Variants in SULF1 observed in about 807,000 individuals in gnomAD.
SULF1 encodes the protein sulfatase 1.
In SULF1, 46 loss-of-function variants were observed where a neutral mutation model predicts 110.5. That is an observed-to-expected ratio of 0.42 (90% CI 0.33 to 0.53). The LOEUF (loss-of-function observed/expected upper bound fraction) is 0.53. Among genes scored for constraint, SULF1 ranks in the 20% least tolerant of loss-of-function variants. The probability of loss-of-function intolerance (pLI) is 0.12; values close to 1 mark genes in which losing one functional copy is unlikely to be tolerated. For missense variants in SULF1, 941 were observed against 1,094.2 expected (o/e 0.86, Z 1.98); for synonymous variants, 371 against 387.1 (o/e 0.96, Z 0.49).
At chr8:69,486,657 T>C (rs1809724524) in intron 1 of SULF1, among the ~76,000 whole-genome samples, 1 of 152,146 alleles carries the variant, frequency 6.6e-6, no homozygotes, top group Admixed American at 6.6e-5. Context: ...CCGTGCCTAT[T>C]AAGAGTAGAA....
chr8:69,589,145 AG>A lies in SULF1; in HGVS notation c.734+5del, dbSNP rs768278650. The A allele has an allele frequency of 1.2e-6, 2 of 1,611,824 alleles. No individual in the cohort carries two copies. Among genetic ancestry groups the A allele is most frequent in the African/African-American group, 1.3e-5 (1 of 74,980 alleles). On this transcript the variant is annotated splice_donor_5th_base_variant and intron_variant, in intron 8 of 22. Coordinates refer to ENST00000402687, the MANE Select transcript of SULF1 (RefSeq NM_001128205.2). ...ACCCCAATGCTTCCCAACACATGTAAGTAACAAACTCAACTCTGCGACCTGC... is the reference window on the plus strand; with the variant it reads ...ACCCCAATGCTTCCCAACACATGTAATAACAAACTCAACTCTGCGACCTGC...
rs118056333 is a variant in SULF1 at position 69,603,241 on chromosome 8, A to G, written c.1111A>G (p.Ile371Val). The G allele has an allele frequency of 5.6e-3, 8,990 of 1,614,092 alleles. 37 individuals are homozygous for G. Among genetic ancestry groups the G allele is most frequent in the Non-Finnish European group, 6.8e-3 (7,989 of 1,180,008 alleles). The change falls in exon 11 of 23, where the codon ATT becomes GTT. Residue 371 changes from isoleucine (I) to valine (V), a missense_variant. Ile to Val is a conservative substitution (Grantham distance 29). Transcript: ENST00000402687. ...NIDLAPTILDIAGLDTPPDVD... is the reference protein window; with the variant it reads ...NIDLAPTILDVAGLDTPPDVD... ...TGACTTGGCCCCCACGATCCTGGAT[A>G]TTGCTGGGCTCGACACACCTCCTGA...
Position 69,617,418 on chromosome 8 carries a change from T to C in SULF1, c.1378-3617T>C, listed in dbSNP as rs1280150190. Among the ~76,000 whole-genome samples, 5 of 80,964 alleles carry C rather than the reference T, an allele frequency of 6.2e-5. 1 individual carries two copies. The East Asian group carries it at 1.6e-3, about 25-fold the overall frequency. The allele number at this position is 80,964 out of a possible 152,430, so 53.1% of individuals were successfully genotyped here. On this transcript the variant is annotated intron_variant, in intron 13 of 22. Transcript: ENST00000402687. ...ATATATATATATATATATATATATA[T>C]ATATATATATATATATGTTTTTTTT...
chr8:69,641,088 T>G (rs1811438684), intron 22 of SULF1: 1 of 378,108 alleles, frequency 2.6e-6, no homozygotes, highest in Non-Finnish European at 4.7e-6. Context: ...GTTTGCTTGT[T>G]GGATGATGCT....
At chr8:69,545,100 TC>T (rs869125603) in intron 3 of SULF1, among the ~76,000 whole-genome samples, 3 of 148,370 alleles carry the variant, frequency 2.0e-5, no homozygotes, top group African/African-American at 7.5e-5. Flanking sequence ...TTTTTTTTTT[TC>T]ATTTCTATGG....
intron 13 of SULF1, among the ~76,000 whole-genome samples, chr8:69,615,917 T>C (rs968671900): frequency 1.3e-5 from 2 of 152,068 alleles, no homozygotes; most frequent in Non-Finnish European, 2.9e-5. Context: ...GCAGAATTCT[T>C]TGAATGCATT....
intron 3 of SULF1, among the ~76,000 whole-genome samples, chr8:69,554,148 T>C (rs1240813342): frequency 6.6e-6 from 1 of 152,250 alleles, no homozygotes; most frequent in African/African-American, 2.4e-5. Context: ...TGACAAGTGC[T>C]GTTCTTGCAT....
At chr8:69,522,718 T>C (rs1265183552) in intron 3 of SULF1, among the ~76,000 whole-genome samples, 1 of 152,102 alleles carries the variant, frequency 6.6e-6, no homozygotes, top group Non-Finnish European at 1.5e-5. Flanking sequence ...TGGAGGAGTT[T>C]TGGGTGCCTT....
chr8:69,501,233 T>TAAAAGAGAACA (rs1810775525), intron 2 of SULF1, among the ~76,000 whole-genome samples: 2 of 152,350 alleles, frequency 1.3e-5, no homozygotes, highest in East Asian at 3.9e-4. Context: ...ATGTTCTCTT[T>TAAAAGAGAACA]TATATCATAT....
intron 5 of SULF1, among the ~76,000 whole-genome samples, chr8:69,564,772 T>C (rs1815747528): frequency 6.6e-6 from 1 of 152,202 alleles, no homozygotes; most frequent in Non-Finnish European, 1.5e-5. Context: ...CCTGACTGGG[T>C]TTCTTACCTT....
At chr8:69,598,117 A>AC (rs1322751582) in intron 8 of SULF1, among the ~76,000 whole-genome samples, 1 of 151,824 alleles carries the variant, frequency 6.6e-6, no homozygotes, top group African/African-American at 2.4e-5. Flanking sequence ...GGCCAAAAAA[A>AC]AAAAAAGGGG....
chr8:69,656,045 C>A (rs1812703404), intron 22 of SULF1, among the ~76,000 whole-genome samples: 1 of 152,158 alleles, frequency 6.6e-6, no homozygotes, highest in African/African-American at 2.4e-5. Context: ...GCACAGTATC[C>A]CCTGCATTCT....
chr8:69,629,434 A>G, intron 18 of SULF1, 70 bp from the exon 19 acceptor site: 1 of 1,482,796 alleles, frequency 6.7e-7, no homozygotes, highest in East Asian at 2.3e-5. Flanking sequence ...CAAGACTCAC[A>G]GCAACAAGCC....
intron 1 of SULF1, among the ~76,000 whole-genome samples, chr8:69,469,911 G>A (rs967117786): frequency 1.3e-5 from 2 of 152,060 alleles, no homozygotes; most frequent in African/African-American, 4.8e-5. Flanking sequence ...GCACGGTGGT[G>A]GGCACCTGTA....
intron 3 of SULF1, among the ~76,000 whole-genome samples, chr8:69,537,964 C>CTTT (rs746746718): frequency 7.0e-6 from 1 of 141,938 alleles, no homozygotes; most frequent in Non-Finnish European, 1.5e-5. Flanking sequence ...ATTTCAAATC[C>CTTT]TTTTTTTTTT....
intron 22 of SULF1, among the ~76,000 whole-genome samples, chr8:69,645,631 C>T (rs1811843281): frequency 6.6e-6 from 1 of 152,188 alleles, no homozygotes; most frequent in Admixed American, 6.5e-5. Flanking sequence ...AAGGAGTTGG[C>T]ATTTATGCCG....
At chr8:69,647,124 T>C (rs1351114962) in intron 22 of SULF1, among the ~76,000 whole-genome samples, 1 of 151,718 alleles carries the variant, frequency 6.6e-6, no homozygotes, top group Non-Finnish European at 1.5e-5. Flanking sequence ...TTTGTATTTT[T>C]AGTAGAGATG....
intron 22 of SULF1, among the ~76,000 whole-genome samples, chr8:69,648,105 GTTT>G (rs1812066141): frequency 6.7e-6 from 1 of 148,750 alleles, no homozygotes; most frequent in Non-Finnish European, 1.5e-5. Context: ...ATGAATACCA[GTTT>G]GGTCCAAATA....
chr8:69,583,522 C>T (rs1378926667), intron 6 of SULF1, among the ~76,000 whole-genome samples: 6 of 151,294 alleles, frequency 4.0e-5, no homozygotes, highest in Middle Eastern at 3.4e-3. Context: ...TGCAGTGAGC[C>T]GAGATCACAC....
Sources: allele counts gnomAD v4.1 joint callset (sites outside exome capture counted in the v4.1 genomes callset), GRCh38; gene constraint gnomAD v4.1.1; transcripts MANE v1.5; gene names NCBI Gene and HGNC (gene_info 2026-07-23, HGNC 2026-07-21).